PTK7: variants seen among roughly 807,000 people sequenced by gnomAD.
PTK7 encodes the protein protein tyrosine kinase 7 (inactive), also known as inactive tyrosine-protein kinase 7.
A neutral mutation model predicts 116.6 loss-of-function variants in PTK7; 39 were observed. The observed-to-expected ratio is 0.33, with a 90% confidence interval of 0.26 to 0.44. The LOEUF (loss-of-function observed/expected upper bound fraction) is 0.44, where lower values mean the gene tolerates loss of function less well. PTK7 is among the 20% of genes least tolerant of loss of function. PTK7 has a pLI of 1.00. For missense variants in PTK7, 1,169 were observed against 1,425.6 expected (o/e 0.82, Z 2.90); for synonymous variants, 546 against 563.6 (o/e 0.97, Z 0.44).
chr6:43,160,986 G>C lies in PTK7; in HGVS notation c.*105G>C, dbSNP rs1362323591. Reference sequence around the variant, plus strand: ...TGTCCTCCTGGGCCCTGAGGCCCCTGCCCTAGTGCAACAGGCATTGCTGAG... The same window carrying C: ...TGTCCTCCTGGGCCCTGAGGCCCCTCCCCTAGTGCAACAGGCATTGCTGAG... On this transcript the variant is annotated 3_prime_UTR_variant, in exon 20 of 20. Transcript: ENST00000230419. The C allele has an allele frequency of 3.5e-6, 5 of 1,423,474 alleles. No individual in the cohort carries two copies. The highest frequency in any genetic ancestry group is 4.7e-6 in the Non-Finnish European group (5 of 1,066,494). The allele number at this position is 1,423,474 out of a possible 1,614,324, so 88.2% of individuals were successfully genotyped here.
rs1308890475 is a variant in PTK7, at chr6:43,076,850, A to G, written c.79+283A>G. The G allele has an allele frequency of 1.4e-6, 2 of 1,454,806 alleles. No homozygotes were observed. Among genetic ancestry groups the G allele is most frequent in the Admixed American group, 5.0e-5 (2 of 39,890 alleles). The allele number at this position is 1,454,806 out of a possible 1,614,324, so 90.1% of individuals were successfully genotyped here. ...CTGGTCTGAGCCGAGAGTTTGCTCG[A>G]GAACTGCCGAGAGTTGCTGGCTCTC... On this transcript the variant is annotated intron_variant, in intron 1 of 19. Coordinates refer to ENST00000230419, the MANE Select transcript of PTK7 (RefSeq NM_002821.5). This position sits in a 1 kb window ranked among gnomAD's most constrained non-coding sequence, Gnocchi z 5.7.
Position 43,076,966 on chromosome 6 carries a change from C to G in PTK7, c.79+399C>G. ...ATGGAGAAAAAGGAATTCCCCACCCCACCCGGCAGGGTCGGCCCAGGTAAG... is the reference window on the plus strand; with the variant it reads ...ATGGAGAAAAAGGAATTCCCCACCCGACCCGGCAGGGTCGGCCCAGGTAAG... On this transcript the variant is annotated intron_variant, in intron 1 of 19. Transcript: ENST00000230419. This position sits in a 1 kb window ranked among gnomAD's most constrained non-coding sequence, Gnocchi z 5.7. The G allele has an allele frequency of 6.6e-7, 1 of 1,510,972 alleles. No individual in the cohort carries two copies. 93.6% of individuals were successfully genotyped at this position (1,510,972 alleles called of 1,614,324 possible).
At chr6:43,159,040 TG>T in intron 18 of PTK7, 72 bp downstream of exon 18, 6 of 1,571,672 alleles carry the variant, frequency 3.8e-6, no homozygotes, top group South Asian at 1.1e-5. Flanking sequence ...ACAGATAGTT[TG>T]GGGGGTGTGG....
At chr6:43,092,259 G>C (rs1202741533) in intron 1 of PTK7, among the ~76,000 whole-genome samples, 2 of 151,692 alleles carry the variant, frequency 1.3e-5, no homozygotes, top group African/African-American at 4.8e-5. Context: ...CTGCAGCCTC[G>C]ACCTCCTGGG....
intron 14 of PTK7, chr6:43,144,222 G>T: frequency 1.8e-6 from 1 of 558,124 alleles, no homozygotes; most frequent in Non-Finnish European, 3.2e-6. Context: ...CTTCATCTCA[G>T]AGGTCATAAT....
Position 43,145,515 on chromosome 6 carries a change from G to A in PTK7, c.2640+83G>A, listed in dbSNP as rs1022999591. On this transcript the variant is annotated intron_variant, in intron 16 of 19. Coordinates refer to ENST00000230419, the MANE Select transcript of PTK7 (RefSeq NM_002821.5). The surrounding 1 kb of genome is among the most constrained non-coding windows in gnomAD (Gnocchi z 4.8). The stretch of plus-strand genomic sequence containing the variant: ...GGTGGGAGTCAGTGGTTGGAGCACC[G>A]TGAAAACCTTGTCTCGTGCAGTCTC... 1.5e-5 allele frequency: 18 copies of A among 1,193,818 alleles called. No individual in the cohort carries two copies. Among genetic ancestry groups the A allele is most frequent in the South Asian group, 3.6e-5 (2 of 55,706 alleles). 74.0% of individuals were successfully genotyped at this position (1,193,818 alleles called of 1,614,324 possible). A position where few individuals can be genotyped will look rare whatever the true frequency, so the allele number is the denominator to read the frequency against.
chr6:43,119,450 C>T (rs1434683063), intron 1 of PTK7, among the ~76,000 whole-genome samples: 3 of 152,176 alleles, frequency 2.0e-5, no homozygotes, highest in African/African-American at 7.2e-5. Context: ...GGCTCCCAGG[C>T]TCCACCCTGG....
intron 7 of PTK7, among the ~76,000 whole-genome samples, chr6:43,137,026 T>C (rs747180725): frequency 5.3e-5 from 8 of 152,024 alleles, no homozygotes; most frequent in African/African-American, 1.2e-4. Flanking sequence ...AGAAATAAAC[T>C]CTACCTCTTG....
chr6:43,111,043 A>G (rs923843371), intron 1 of PTK7, among the ~76,000 whole-genome samples: 1 of 152,174 alleles, frequency 6.6e-6, no homozygotes, highest in African/African-American at 2.4e-5. Context: ...GACTGGGTCC[A>G]TTTTCACCCA....
At chr6:43,123,573 G>A (rs576605386) in intron 1 of PTK7, among the ~76,000 whole-genome samples, 2 of 151,378 alleles carry the variant, frequency 1.3e-5, no homozygotes, top group Admixed American at 6.6e-5. Flanking sequence ...AGAGCAACAC[G>A]GAGGGTGGGC....
At chr6:43,092,008 A>C (rs1276357012) in intron 1 of PTK7, among the ~76,000 whole-genome samples, 1 of 152,056 alleles carries the variant, frequency 6.6e-6, no homozygotes, top group African/African-American at 2.4e-5. Flanking sequence ...GATTACAGGC[A>C]CGTGTCACTA....
intron 1 of PTK7, among the ~76,000 whole-genome samples, chr6:43,106,040 T>C (rs570184427): frequency 6.6e-6 from 1 of 152,266 alleles, no homozygotes; most frequent in Non-Finnish European, 1.5e-5. Flanking sequence ...GTCCATTTCC[T>C]ACCCTAGCAA....
In PTK7 at chr6:43,076,707, C is replaced by T; in HGVS notation, c.79+140C>T. 1 of 1,379,184 alleles carries T rather than the reference C, an allele frequency of 7.3e-7. No individual in the cohort carries two copies. The highest frequency in any genetic ancestry group is 9.5e-7 in the Non-Finnish European group (1 of 1,049,514). The allele number at this position is 1,379,184 out of a possible 1,614,324, so 85.4% of individuals were successfully genotyped here. A position where few individuals can be genotyped will look rare whatever the true frequency, so the allele number is the denominator to read the frequency against. On this transcript the variant is annotated intron_variant, in intron 1 of 19. Transcript: ENST00000230419. This position sits in a 1 kb window ranked among gnomAD's most constrained non-coding sequence, Gnocchi z 5.7. ...GAGGCTCGCTGGGGGTGCAGGCTTGCGGCGGAAGGGCGCAAGGAGCCCGGG... is the reference window on the plus strand; with the variant it reads ...GAGGCTCGCTGGGGGTGCAGGCTTGTGGCGGAAGGGCGCAAGGAGCCCGGG...
chr6:43,114,708 T>G (rs1321911779), intron 1 of PTK7, among the ~76,000 whole-genome samples: 1 of 152,116 alleles, frequency 6.6e-6, no homozygotes, highest in Non-Finnish European at 1.5e-5. Context: ...GCTTTATGCT[T>G]TATGTTTCCC....
At position 43,160,783 on chromosome 6, in the gene PTK7, C is replaced by G; in HGVS notation, c.3115C>G (p.Leu1039Val). 1 of 1,614,232 alleles carries G rather than the reference C, an allele frequency of 6.2e-7. No individual in the cohort carries two copies. The highest frequency in any genetic ancestry group is 8.5e-7 in the Non-Finnish European group (1 of 1,180,044). Residue 1039 changes from leucine (L) to valine (V), a missense_variant, in exon 20 of 20, where the codon CTG becomes GTG. Physicochemically the swap from Leu to Val is conservative, Grantham distance 32. Coordinates refer to ENST00000230419, the MANE Select transcript of PTK7 (RefSeq NM_002821.5). ...PEGCPSKLYR[L>V]MQRCWALSPK... ...GGGCTGCCCTTCCAAACTCTATCGGCTGATGCAGCGCTGCTGGGCCCTCAG... is the reference window on the plus strand; with the variant it reads ...GGGCTGCCCTTCCAAACTCTATCGGGTGATGCAGCGCTGCTGGGCCCTCAG...
chr6:43,133,532 C>G (rs4714668), intron 7 of PTK7: 81,458 of 152,076 alleles, frequency 0.54, 22,660 homozygotes, highest in African/African-American at 0.68. Context: ...GAGATCGCAC[C>G]GTTGCTCTTC....
intron 1 of PTK7, among the ~76,000 whole-genome samples, chr6:43,104,637 A>AG (rs1309792376): frequency 2.0e-5 from 3 of 152,028 alleles, no homozygotes; most frequent in Non-Finnish European, 2.9e-5. Flanking sequence ...ATGTTGGCCC[A>AG]GGCTGGTCTT....
rs764080314 is a variant in PTK7 at position 43,141,890 on chromosome 6, G to C, written c.1769-41G>C. 1 of 1,595,336 alleles carries C rather than the reference G, an allele frequency of 6.3e-7. No individual in the cohort carries two copies. The highest frequency in any genetic ancestry group is 8.6e-7 in the Non-Finnish European group (1 of 1,168,592). On this transcript the variant is annotated intron_variant, in intron 11 of 19. Coordinates refer to ENST00000230419, the MANE Select transcript of PTK7 (RefSeq NM_002821.5). This position sits in a 1 kb window ranked among gnomAD's most constrained non-coding sequence, Gnocchi z 4.9. ...CACCGTGTACCCTGCCAGCCCCTTG[G>C]CTTACCCCTCCCTGCGCCTCGCTGG...
At chr6:43,083,248 A>G (rs980988693) in intron 1 of PTK7, among the ~76,000 whole-genome samples, 1 of 152,042 alleles carries the variant, frequency 6.6e-6, no homozygotes, top group African/African-American at 2.4e-5. Context: ...CCTGGGCACT[A>G]CCCCTGGCCA....
Sources: gnomAD v4.1 joint callset for allele counts (sites outside exome capture counted in the v4.1 genomes callset) on GRCh38, gnomAD v4.1.1 for gene constraint, Gnocchi (gnomAD v3.1) non-coding constraint, MANE v1.5 for transcripts, NCBI Gene and HGNC (gene_info 2026-07-23, HGNC 2026-07-21) for gene names.